Variants in ARHGAP26 observed in about 807,000 individuals in gnomAD.
ARHGAP26 encodes rho GTPase-activating protein 26.
In ARHGAP26, 38 loss-of-function variants were observed where a neutral mutation model predicts 104.8. The observed-to-expected ratio is 0.36, with a 90% CI of 0.28 to 0.48. The LOEUF is 0.48. ARHGAP26 is among the 20% of genes least tolerant of loss of function. The pLI is 0.99. For synonymous variants in ARHGAP26, 341 were observed against 340.0 expected (o/e 1.00, Z -0.03); for missense variants, 704 against 947.9 (o/e 0.74, Z 3.38).
At chr5:143,107,217 G>A (rs1482988576) in intron 17 of ARHGAP26, among the ~76,000 whole-genome samples, 1 of 152,130 alleles carries the variant, frequency 6.6e-6, no homozygotes, top group African/African-American at 2.4e-5. Flanking sequence ...GGTAGTTAGA[G>A]CTCTGTGAAT....
chr5:143,095,923 A>G (rs182084479), intron 17 of ARHGAP26, among the ~76,000 whole-genome samples: 2 of 152,374 alleles, frequency 1.3e-5, no homozygotes, highest in Non-Finnish European at 2.9e-5. Flanking sequence ...CAGTCCTAGC[A>G]TATGCATATA....
chr5:142,772,679 T>C, intron 1 of ARHGAP26: 1 of 519,786 alleles, frequency 1.9e-6, no homozygotes, highest in Non-Finnish European at 4.0e-6. Context: ...CACACAGCTC[T>C]AGCAGCAGGA....
chr5:143,074,833 A>G (rs1289209958), intron 17 of ARHGAP26, among the ~76,000 whole-genome samples: 1 of 152,266 alleles, frequency 6.6e-6, no homozygotes, highest in African/African-American at 2.4e-5. Context: ...TGCCTACAGC[A>G]TGCCAGACAC....
chr5:142,795,026 G>A (rs1011898197), intron 1 of ARHGAP26, among the ~76,000 whole-genome samples: 5 of 151,100 alleles, frequency 3.3e-5, no homozygotes, highest in Admixed American at 2.0e-4. Flanking sequence ...GCCACATAGT[G>A]TCTCTGTCAT....
At chr5:142,939,212 G>A (rs37221) in intron 11 of ARHGAP26, among the ~76,000 whole-genome samples, 1 of 151,988 alleles carries the variant, frequency 6.6e-6, no homozygotes, top group African/African-American at 2.4e-5. Flanking sequence ...TTAGCTTCCA[G>A]TTCTGTGCTA....
intron 14 of ARHGAP26, among the ~76,000 whole-genome samples, chr5:143,046,935 C>G (rs1460371401): frequency 6.6e-6 from 1 of 152,106 alleles, no homozygotes. Flanking sequence ...ATATTATTAC[C>G]TGTTAAATTT....
chr5:142,884,875 A>T (rs1757489529), intron 4 of ARHGAP26, among the ~76,000 whole-genome samples: 1 of 152,204 alleles, frequency 6.6e-6, no homozygotes, highest in African/African-American at 2.4e-5. Flanking sequence ...GCCTTAGTCT[A>T]GACTTGTCTC....
chr5:143,109,043 A>T (rs78950172), intron 17 of ARHGAP26, among the ~76,000 whole-genome samples: 1,637 of 152,356 alleles, frequency 0.011, 34 homozygotes, highest in East Asian at 0.087. Flanking sequence ...TGGTTTCAGA[A>T]GACTGCTGTT....
At chr5:142,843,867 T>A (rs1011599104) in intron 1 of ARHGAP26, among the ~76,000 whole-genome samples, 1 of 152,148 alleles carries the variant, frequency 6.6e-6, no homozygotes. Context: ...GCTTCATGCA[T>A]TCTTAGGGCT....
intron 3 of ARHGAP26, 65 bp from the exon 4 acceptor site, chr5:142,879,309 T>C: frequency 6.9e-7 from 1 of 1,449,610 alleles, no homozygotes; most frequent in South Asian, 1.1e-5. Context: ...ATGCTGGAGC[T>C]GCTGTAATTC....
chr5:143,062,715 A>ATGAAC (rs1194281188), intron 17 of ARHGAP26, among the ~76,000 whole-genome samples: 1 of 152,230 alleles, frequency 6.6e-6, no homozygotes, highest in Non-Finnish European at 1.5e-5. Context: ...CTAGTGGTTC[A>ATGAAC]GTAGCATTCC....
intron 7 of ARHGAP26, 77 bp from the exon 8 acceptor site, chr5:142,903,463 G>T: frequency 6.8e-7 from 1 of 1,472,484 alleles, no homozygotes. Context: ...TAGATCTAAG[G>T]ATTCTATTAG....
intron 12 of ARHGAP26, among the ~76,000 whole-genome samples, chr5:143,036,556 A>G (rs946046267): frequency 1.3e-5 from 2 of 151,674 alleles, no homozygotes; most frequent in Non-Finnish European, 2.9e-5. Context: ...TCTTTGTTCT[A>G]TTTTTCCTTT....
At chr5:142,838,712 C>T (rs1364792979) in intron 1 of ARHGAP26, among the ~76,000 whole-genome samples, 1 of 152,202 alleles carries the variant, frequency 6.6e-6, no homozygotes, top group East Asian at 1.9e-4. Context: ...ATGCACAGAA[C>T]AAGCTGGTTT....
chr5:143,199,878 A>G (rs1282041569), intron 20 of ARHGAP26, among the ~76,000 whole-genome samples: 2 of 152,218 alleles, frequency 1.3e-5, no homozygotes, highest in Non-Finnish European at 2.9e-5. Context: ...TGAAAGTCCT[A>G]CACTAAGCTA....
chr5:142,832,590 T>C (rs10072911), intron 1 of ARHGAP26, among the ~76,000 whole-genome samples: 2,639 of 152,320 alleles, frequency 0.017, 84 homozygotes, highest in African/African-American at 0.059. Context: ...TTCAGGTCTT[T>C]TGTGTGCCTG....
chr5:143,095,232 A>T (rs970249521), intron 17 of ARHGAP26, among the ~76,000 whole-genome samples: 5 of 151,854 alleles, frequency 3.3e-5, no homozygotes, highest in South Asian at 2.1e-4. Flanking sequence ...AATTCACTTA[A>T]CATAAATTAG....
intron 1 of ARHGAP26, among the ~76,000 whole-genome samples, chr5:142,785,083 A>T (rs2151873502): frequency 6.6e-6 from 1 of 151,380 alleles, no homozygotes; most frequent in East Asian, 1.9e-4. Context: ...GGCGCCCACC[A>T]CCATGCCCGG....
chr5:142,862,390 G>T (rs1045408250), intron 1 of ARHGAP26, among the ~76,000 whole-genome samples: 5 of 152,138 alleles, frequency 3.3e-5, no homozygotes, highest in African/African-American at 1.2e-4. Context: ...AAATTAATTT[G>T]GCTGGAAATG....
Sources: allele counts gnomAD v4.1 joint callset (sites outside exome capture counted in the v4.1 genomes callset), GRCh38; gene constraint gnomAD v4.1.1; transcripts MANE v1.5; gene names NCBI Gene and HGNC (gene_info 2026-07-23, HGNC 2026-07-21).